Variants in PDE3B observed in about 807,000 individuals in gnomAD.
PDE3B encodes cGMP-inhibited 3',5'-cyclic phosphodiesterase 3B.
In PDE3B, 66 loss-of-function variants were observed where a neutral mutation model predicts 116.8. The ratio of observed to expected loss-of-function variants is 0.56; its 90% confidence interval spans 0.46 to 0.69. The LOEUF is 0.69. Among genes scored for constraint, PDE3B ranks in the 30% least tolerant of loss-of-function variants. PDE3B has a pLI of 0.00. For synonymous variants in PDE3B, 595 were observed against 533.6 expected, an observed-to-expected ratio of 1.12 and a Z score of -1.59; for missense variants, 1,384 against 1,368.1, an observed-to-expected ratio of 1.01 and a Z score of -0.18.
intron 5 of PDE3B, among the ~76,000 whole-genome samples, chr11:14,817,215 C>T (rs1250191326): frequency 6.6e-6 from 1 of 151,762 alleles, no homozygotes; most frequent in Non-Finnish European, 1.5e-5. Flanking sequence ...TATGTCCTCA[C>T]TCATAGGTGG....
chr11:14,852,271 G>A (rs1022197973), intron 12 of PDE3B, among the ~76,000 whole-genome samples: 1 of 152,062 alleles, frequency 6.6e-6, no homozygotes, highest in African/African-American at 2.4e-5. Flanking sequence ...GACCAGGCTG[G>A]TCTCAAACTA....
the PDE3B span, among the ~76,000 whole-genome samples, chr11:14,893,365 G>A: frequency 6.6e-6 from 1 of 152,214 alleles, no homozygotes; most frequent in African/African-American, 2.4e-5. Context: ...TTAGGAAGAT[G>A]ACATTGGAGC....
intron 2 of PDE3B, among the ~76,000 whole-genome samples, chr11:14,781,998 A>G (rs1858019858): frequency 6.6e-6 from 1 of 152,216 alleles, no homozygotes; most frequent in South Asian, 2.1e-4. Flanking sequence ...AGAAATCACA[A>G]GCATTCTTAT....
the PDE3B span, chr11:14,891,130 C>T: frequency 4.1e-6 from 4 of 985,350 alleles, no homozygotes; most frequent in African/African-American, 1.7e-5. Context: ...ACTCCTGCCC[C>T]CTCCGGACGT....
At chr11:14,714,353 G>C (rs543142218) in intron 1 of PDE3B, among the ~76,000 whole-genome samples, 17 of 152,010 alleles carry the variant, frequency 1.1e-4, no homozygotes, top group Non-Finnish European at 2.4e-4. Context: ...CCTAAGTTAT[G>C]AAATAGCAAA....
intron 12 of PDE3B, among the ~76,000 whole-genome samples, chr11:14,846,866 C>T (rs1194347874): frequency 5.9e-5 from 9 of 152,170 alleles, no homozygotes; most frequent in African/African-American, 2.2e-4. Context: ...TACAAAGAGA[C>T]TTAGACTCCC....
chr11:14,844,502 C>T (rs10832308), intron 12 of PDE3B, among the ~76,000 whole-genome samples: 36,618 of 152,146 alleles, frequency 0.24, 5,147 homozygotes, highest in Admixed American at 0.38. Context: ...GTGGGTGCAG[C>T]GCACCGTGCG....
At chr11:14,676,305 A>G (rs1056389241) in intron 1 of PDE3B, among the ~76,000 whole-genome samples, 8 of 152,150 alleles carry the variant, frequency 5.3e-5, no homozygotes, top group Admixed American at 3.3e-4. Flanking sequence ...TACTTACACA[A>G]ACCTAGATGT....
intron 10 of PDE3B, among the ~76,000 whole-genome samples, chr11:14,834,500 T>C (rs1312909069): frequency 1.3e-5 from 2 of 152,226 alleles, no homozygotes. Context: ...TGATCATATA[T>C]GATGTGTCAG....
rs772431335 is a variant in PDE3B at position 14,644,635 on chromosome 11, A to C, written c.560A>C (p.His187Pro). ...GGCGACGCAGGGTCCGCGGCCCCGCACACGCCCCCGGAGGCGGCAGCGGGC... is the reference window on the plus strand; with the variant it reads ...GGCGACGCAGGGTCCGCGGCCCCGCCCACGCCCCCGGAGGCGGCAGCGGGC... ...GDGDAGSAAP[H>P]TPPEAAAGRL... Residue 187 changes from histidine to proline, a missense_variant, in exon 1 of 16, where the codon CAC becomes CCC. By Grantham distance (77) the His-to-Pro change is moderately conservative. Around this residue, in one of 2 missense-constraint regions of PDE3B, gnomAD observed 956 missense variants for 806.8 expected, o/e 1.18. Coordinates refer to ENST00000282096, the MANE Select transcript of PDE3B (RefSeq NM_000922.4). 9.9e-6 allele frequency: 15 copies of C among 1,513,420 alleles called. No individual in the cohort carries two copies. The highest frequency in any genetic ancestry group is 1.1e-5 in the Non-Finnish European group (13 of 1,133,696). The allele number at this position is 1,513,420 out of a possible 1,614,324, so 93.7% of individuals were successfully genotyped here.
intron 1 of PDE3B, among the ~76,000 whole-genome samples, chr11:14,676,757 T>C (rs1176896448): frequency 3.3e-5 from 5 of 152,220 alleles, no homozygotes; most frequent in Non-Finnish European, 7.4e-5. Flanking sequence ...GTATGTGTTA[T>C]GAATATTTTC....
At chr11:14,868,879 G>T (rs1848094828) in intron 15 of PDE3B, among the ~76,000 whole-genome samples, 1 of 152,064 alleles carries the variant, frequency 6.6e-6, no homozygotes, top group African/African-American at 2.4e-5. Context: ...AAATATGCTG[G>T]AAATGGTGGC....
At chr11:14,822,754 A>AC in intron 7 of PDE3B, among the ~76,000 whole-genome samples, 1 of 152,058 alleles carries the variant, frequency 6.6e-6, no homozygotes, top group South Asian at 2.1e-4. Flanking sequence ...AGGAGGTTAG[A>AC]CCCCCATACA....
At chr11:14,806,737 T>C (rs1858940138) in intron 5 of PDE3B, among the ~76,000 whole-genome samples, 1 of 149,256 alleles carries the variant, frequency 6.7e-6, no homozygotes, top group Non-Finnish European at 1.5e-5. Context: ...CGGGCGCCTG[T>C]AGTCCCAGCT....
At chr11:14,721,813 A>G (rs984097524) in intron 1 of PDE3B, among the ~76,000 whole-genome samples, 9 of 125,042 alleles carry the variant, frequency 7.2e-5, no homozygotes, top group Non-Finnish European at 1.5e-4. Flanking sequence ...ATTGGGAGAT[A>G]TACCTAATGC....
the PDE3B span, chr11:14,879,321 C>G: frequency 5.6e-6 from 9 of 1,613,092 alleles, no homozygotes; most frequent in African/African-American, 1.2e-4. Flanking sequence ...CCTAATGGAA[C>G]TATATTACAG....
rs7483120 is a variant in PDE3B, at chr11:14,690,295, A to G, written c.978+45242A>G. On this transcript the variant is annotated intron_variant, in intron 1 of 15. Coordinates refer to ENST00000282096, the MANE Select transcript of PDE3B (RefSeq NM_000922.4). The stretch of plus-strand genomic sequence containing the variant: ...GAGTTTCTCTAAATTTGACAATACT[A>G]AAAGTTTATGACATTACCAGTAGTA... Among the ~76,000 whole-genome samples the G allele has an allele frequency of 1.0e-2, 1,518 of 152,318 alleles. 39 individuals carry two copies. The East Asian group carries it at 0.11, about 11-fold the overall frequency.
intron 1 of PDE3B, among the ~76,000 whole-genome samples, chr11:14,755,901 A>G (rs963327333): frequency 3.3e-5 from 5 of 152,226 alleles, no homozygotes; most frequent in African/African-American, 1.2e-4. Flanking sequence ...AAGTGAGCTC[A>G]TACCTATCAA....
At chr11:14,882,995 C>G in the PDE3B span, among the ~76,000 whole-genome samples, 7 of 152,120 alleles carry the variant, frequency 4.6e-5, no homozygotes, top group Non-Finnish European at 1.0e-4. Context: ...AGGACCTCTT[C>G]AAGGAGAACT....
Sources: allele counts gnomAD v4.1 joint callset (sites outside exome capture counted in the v4.1 genomes callset), GRCh38; gene constraint gnomAD v4.1.1; regional missense constraint gnomAD v4.1.1; transcripts MANE v1.5; gene names NCBI Gene and HGNC (gene_info 2026-07-23, HGNC 2026-07-21).